Variants in TNNI3K observed in about 807,000 individuals in gnomAD.
The protein encoded by TNNI3K is serine/threonine-protein kinase TNNI3K.
In TNNI3K, 140 loss-of-function variants were observed where a neutral mutation model predicts 114.5. The ratio of observed to expected loss-of-function variants is 1.22; its 90% confidence interval spans 1.07 to 1.41. The LOEUF (loss-of-function observed/expected upper bound fraction) is 1.41. Among genes scored for constraint, TNNI3K ranks in the 40% most tolerant of loss-of-function variants. TNNI3K has a pLI of 0.00. For missense variants in TNNI3K, 1,125 were observed against 1,007.6 expected, an observed-to-expected ratio of 1.12 and a Z score of -1.58; for synonymous variants, 347 against 347.5, an observed-to-expected ratio of 1.00 and a Z score of 0.02.
chr1:74,515,460 C>T (rs1019745691), intron 23 of TNNI3K, among the ~76,000 whole-genome samples: 2 of 152,070 alleles, frequency 1.3e-5, no homozygotes, highest in South Asian at 2.1e-4. Flanking sequence ...TTTATCATGC[C>T]AATACATATA....
chr1:74,274,963 A>G (rs145024311), intron 5 of TNNI3K, among the ~76,000 whole-genome samples: 327 of 152,210 alleles, frequency 2.1e-3, no homozygotes, highest in African/African-American at 7.4e-3. Context: ...TGGGTACTCA[A>G]AGTATAGTTT....
Position 74,497,866 on chromosome 1 carries a change from C to T in TNNI3K, c.2351+5600C>T, listed in dbSNP as rs963322656. Reference sequence around the variant, plus strand: ...CCGGAGTCCAATTGATTCAGGAGTCCGAAATCCTCAGTGATACACGTTTTC... The same window carrying T: ...CCGGAGTCCAATTGATTCAGGAGTCTGAAATCCTCAGTGATACACGTTTTC... On this transcript the variant is annotated intron_variant, in intron 23 of 24. Coordinates refer to ENST00000326637, the MANE Select transcript of TNNI3K (RefSeq NM_015978.3). 7.2e-5 allele frequency among the ~76,000 whole-genome samples: 11 copies of T among 152,090 alleles called. No individual in the cohort carries two copies. The East Asian group carries it at 1.2e-3, about 16-fold the overall frequency.
intron 21 of TNNI3K, among the ~76,000 whole-genome samples, chr1:74,479,763 ATATC>A (rs1668386564): frequency 6.6e-6 from 1 of 152,222 alleles, no homozygotes; most frequent in East Asian, 1.9e-4. Flanking sequence ...CAGTTTTTAA[ATATC>A]TATCTCCTAG....
chr1:74,404,976 A>C (rs1664546659), intron 17 of TNNI3K, among the ~76,000 whole-genome samples: 1 of 152,214 alleles, frequency 6.6e-6, no homozygotes, highest in South Asian at 2.1e-4. Context: ...TATAAGATTT[A>C]AAAATATTAT....
intron 21 of TNNI3K, chr1:74,471,958 C>T (rs1393423915): frequency 1.6e-6 from 1 of 612,502 alleles, no homozygotes; most frequent in African/African-American, 1.9e-5. Flanking sequence ...TAACAGTCCA[C>T]AAGGATCATC....
chr1:74,417,507 G>A (rs1293309433), intron 17 of TNNI3K, among the ~76,000 whole-genome samples: 1 of 151,984 alleles, frequency 6.6e-6, no homozygotes, highest in East Asian at 1.9e-4. Flanking sequence ...GTTCTTCATA[G>A]GAGTCTCAAG....
At chr1:74,453,357 G>A (rs1038763313) in intron 20 of TNNI3K, among the ~76,000 whole-genome samples, 3 of 152,276 alleles carry the variant, frequency 2.0e-5, no homozygotes, top group Admixed American at 1.3e-4. Flanking sequence ...GAAACAAGAT[G>A]TCTAATATCA....
At chr1:74,451,708 T>A (rs1667023625) in intron 20 of TNNI3K, among the ~76,000 whole-genome samples, 1 of 76,234 alleles carries the variant, frequency 1.3e-5, no homozygotes. Flanking sequence ...TCTTTCTTTC[T>A]TTCTTTCTTT....
At chr1:74,342,729 G>T (rs1256397770) in intron 7 of TNNI3K, 113 bp from the exon 8 acceptor site, 2 of 1,346,402 alleles carry the variant, frequency 1.5e-6, no homozygotes, top group East Asian at 2.3e-5. Context: ...TCATTAACTG[G>T]CAATTTCCAG....
At chr1:74,541,242 A>G (rs2100466085) in intron 24 of TNNI3K, among the ~76,000 whole-genome samples, 1 of 152,284 alleles carries the variant, frequency 6.6e-6, no homozygotes, top group South Asian at 2.1e-4. Context: ...TCACCAATTC[A>G]CCTCATCTGC....
At chr1:74,410,120 C>T (rs1028234953) in intron 17 of TNNI3K, among the ~76,000 whole-genome samples, 2 of 152,150 alleles carry the variant, frequency 1.3e-5, no homozygotes, top group African/African-American at 4.8e-5. Flanking sequence ...GAATATAATA[C>T]TGGAATTCTA....
intron 20 of TNNI3K, among the ~76,000 whole-genome samples, chr1:74,441,417 C>G (rs1251548331): frequency 6.6e-6 from 1 of 152,092 alleles, no homozygotes; most frequent in Non-Finnish European, 1.5e-5. Flanking sequence ...TTTATTTATG[C>G]ATACAGAAGT....
chr1:74,283,781 A>T (rs1203651875), intron 5 of TNNI3K, among the ~76,000 whole-genome samples: 1 of 152,204 alleles, frequency 6.6e-6, no homozygotes. Flanking sequence ...TAGATAATGT[A>T]TATACACATT....
chr1:74,522,417 G>T (rs532245328), intron 23 of TNNI3K, among the ~76,000 whole-genome samples: 116 of 152,158 alleles, frequency 7.6e-4, no homozygotes, highest in South Asian at 3.5e-3. Flanking sequence ...TTTCAGCTTG[G>T]TGTCTCATAT....
intron 23 of TNNI3K, among the ~76,000 whole-genome samples, chr1:74,538,207 T>TA (rs1038491035): frequency 2.0e-5 from 3 of 151,918 alleles, no homozygotes; most frequent in African/African-American, 7.3e-5. Flanking sequence ...TGAACTTGGG[T>TA]AAAAAAATAG....
intron 19 of TNNI3K, 23 bp downstream of exon 19, chr1:74,436,549 T>C: frequency 6.3e-7 from 1 of 1,580,022 alleles, no homozygotes; most frequent in Non-Finnish European, 8.5e-7. Flanking sequence ...TTGTGTTTCC[T>C]ATAATTATAA....
chr1:74,512,162 G>A (rs1012844960), intron 23 of TNNI3K, among the ~76,000 whole-genome samples: 9 of 152,144 alleles, frequency 5.9e-5, no homozygotes, highest in South Asian at 2.1e-4. Context: ...GGCATGACTC[G>A]AACCTGTGAG....
rs757961828 is a variant in TNNI3K, at chr1:74,439,639, T to C, written c.2011+17T>C. ...TCAAGCCAGGTAAGACACACTGCAA[T>C]TGAAGTTTTCCTGTTTTACAGAGTT... On this transcript the variant is annotated intron_variant, in intron 20 of 24. Coordinates refer to ENST00000326637, the MANE Select transcript of TNNI3K (RefSeq NM_015978.3). 5 of 1,610,450 alleles carry C rather than the reference T, an allele frequency of 3.1e-6. No individual in the cohort carries two copies. In the Admixed American group the frequency reaches 5.1e-5, roughly 16 times the overall value.
At chr1:74,497,746 A>G (rs557097914) in intron 23 of TNNI3K, among the ~76,000 whole-genome samples, 1 of 152,264 alleles carries the variant, frequency 6.6e-6, no homozygotes, top group Non-Finnish European at 1.5e-5. Context: ...ACCTACTACC[A>G]TCATAATTTT....
Sources: allele counts gnomAD v4.1 joint callset (sites outside exome capture counted in the v4.1 genomes callset), GRCh38; gene constraint gnomAD v4.1.1; transcripts MANE v1.5; gene names NCBI Gene and HGNC (gene_info 2026-07-23, HGNC 2026-07-21).